The following MORF4L1 variants were observed in gnomAD, a reference collection of about 807,000 sequenced individuals.
MORF4L1 encodes mortality factor 4 like 1.
A neutral mutation model predicts 52.9 loss-of-function variants in MORF4L1; 4 were observed. The observed-to-expected ratio is 0.08, with a 90% CI of 0.04 to 0.17. The LOEUF is 0.17. Ranked by LOEUF, MORF4L1 falls within the 10% of genes least tolerant of loss-of-function variation. The pLI is 1.00. For missense variants in MORF4L1, 214 were observed against 390.4 expected (o/e 0.55, Z 3.81); for synonymous variants, 123 against 134.8 (o/e 0.91, Z 0.61).
At chr15:78,877,109 G>T (rs2056507730) in intron 1 of MORF4L1, among the ~76,000 whole-genome samples, 1 of 117,288 alleles carries the variant, frequency 8.5e-6, no homozygotes, top group African/African-American at 3.2e-5. Context: ...ACCACGCCCG[G>T]CTGATTTTTT....
chr15:78,886,390 A>ATCTAGG, intron 4 of MORF4L1, 163 bp downstream of exon 4: 1 of 652,680 alleles, frequency 1.5e-6, no homozygotes, highest in South Asian at 1.9e-5. Flanking sequence ...ATCAAGCCAT[A>ATCTAGG]TCTAGGTAAA....
At chr15:78,879,096 C>T (rs1298617949) in intron 2 of MORF4L1, among the ~76,000 whole-genome samples, 2 of 151,920 alleles carry the variant, frequency 1.3e-5, no homozygotes, top group Non-Finnish European at 1.5e-5. Flanking sequence ...AAGAGCCAAA[C>T]GCGGTGGCAC....
intron 2 of MORF4L1, among the ~76,000 whole-genome samples, chr15:78,879,390 T>A (rs1317713713): frequency 4.6e-5 from 7 of 152,052 alleles, no homozygotes; most frequent in Non-Finnish European, 1.0e-4. Flanking sequence ...CCTGGCTAAT[T>A]TTTGTAGTTT....
chr15:78,878,513 G>A (rs752001910), intron 2 of MORF4L1, among the ~76,000 whole-genome samples: 2 of 152,178 alleles, frequency 1.3e-5, no homozygotes, highest in African/African-American at 2.4e-5. Flanking sequence ...TGTTAGAAGG[G>A]GAAGATGGGC....
intron 3 of MORF4L1, among the ~76,000 whole-genome samples, chr15:78,883,447 C>T (rs4625697): frequency 0.044 from 6,631 of 152,208 alleles, 482 homozygotes; most frequent in African/African-American, 0.15. Context: ...GCATTTGTAG[C>T]TTGTCACAAG....
intron 7 of MORF4L1, chr15:78,891,813 A>G (rs979306841): frequency 4.0e-5 from 19 of 473,602 alleles, no homozygotes; most frequent in Admixed American, 1.1e-4. Flanking sequence ...CTACAAGACT[A>G]TTTCTTTGGT....
In MORF4L1 at chr15:78,896,972, T is replaced by C; in HGVS notation, c.888-11T>C. 6.2e-7 allele frequency: 1 copy of C among 1,611,226 alleles called. No individual in the cohort carries two copies. ...CTTTAAAAATTTTTGTAATGAATAT[T>C]TTATTTTTAGGTACCTGGCAAAGAA... On this transcript the variant is annotated splice_polypyrimidine_tract_variant and intron_variant, in intron 11 of 11. Transcript: ENST00000426013.
chr15:78,876,556 T>TC (rs921408924), intron 1 of MORF4L1: 10 of 455,920 alleles, frequency 2.2e-5, no homozygotes, highest in African/African-American at 1.2e-4. Context: ...CACTTTTTTT[T>TC]CCGGCAGTAG....
chr15:78,881,788 C>G (rs1352869024), intron 3 of MORF4L1, among the ~76,000 whole-genome samples: 1 of 152,158 alleles, frequency 6.6e-6, no homozygotes, highest in Non-Finnish European at 1.5e-5. Flanking sequence ...TAGTATTGTT[C>G]TTGTGGAATT....
chr15:78,887,397 A>G (rs777056884), intron 5 of MORF4L1, 48 bp downstream of exon 5: 5 of 1,505,978 alleles, frequency 3.3e-6, no homozygotes, highest in African/African-American at 2.8e-5. Context: ...TGAAGATAAT[A>G]TTTTATGTTC....
At chr15:78,884,038 T>C (rs945796478) in intron 3 of MORF4L1, among the ~76,000 whole-genome samples, 5 of 151,432 alleles carry the variant, frequency 3.3e-5, no homozygotes, top group Non-Finnish European at 7.4e-5. Flanking sequence ...ATCCCGTCTC[T>C]AGTAAAAATA....
intron 4 of MORF4L1, chr15:78,886,518 G>T: frequency 3.4e-6 from 1 of 290,332 alleles, no homozygotes; most frequent in Non-Finnish European, 6.5e-6. Flanking sequence ...ATTTTCGGGG[G>T]CTCTGGAAGA....
In MORF4L1 at chr15:78,894,862, A is replaced by G. The variant is rs1212771290; in HGVS notation, c.845A>G (p.Lys282Arg). ...TTGGCTTATACACCTCTGGATGAGA[A>G]GAGCCTTGCTTTATTACTCAATTAT... ...AMLAYTPLDEKSLALLLNYLH... is the reference protein window; with the variant it reads ...AMLAYTPLDERSLALLLNYLH... Residue 282 changes from lysine to arginine, a missense_variant, in exon 11 of 12, where the codon AAG becomes AGG. Physicochemically the swap from Lys to Arg is conservative, Grantham distance 26. This residue lies in a region of MORF4L1 where 68 missense variants were observed against 171.6 expected (regional missense o/e 0.40). Transcript: ENST00000426013. 3 of 1,613,838 alleles carry G rather than the reference A, an allele frequency of 1.9e-6. No homozygotes were observed. The highest frequency in any genetic ancestry group is 1.1e-5 in the South Asian group (1 of 91,064).
At chr15:78,878,828 T>A (rs1037644785) in intron 2 of MORF4L1, among the ~76,000 whole-genome samples, 5 of 152,224 alleles carry the variant, frequency 3.3e-5, no homozygotes, top group African/African-American at 1.2e-4. Context: ...TTGTTTCTGA[T>A]AACTTTTTTA....
At chr15:78,890,452 G>A (rs1244205518) in intron 5 of MORF4L1, among the ~76,000 whole-genome samples, 2 of 151,182 alleles carry the variant, frequency 1.3e-5, no homozygotes, top group African/African-American at 2.4e-5. Flanking sequence ...CTGGAAGAAC[G>A]AAGTTGTTTA....
At chr15:78,885,086 A>G in intron 3 of MORF4L1, 9 of 1,590,594 alleles carry the variant, frequency 5.7e-6, no homozygotes, top group Non-Finnish European at 6.9e-6. Flanking sequence ...ACCTCTAGGT[A>G]AATGCATGTT....
chr15:78,894,416 AT>A (rs905495747), intron 10 of MORF4L1, 186 bp downstream of exon 10: 17,086 of 355,626 alleles, frequency 0.048, 1 homozygote, highest in Middle Eastern at 0.077. Flanking sequence ...TTATTTTATA[AT>A]TTTTTTTTTT....
At position 78,872,909 on chromosome 15, in the gene MORF4L1, G is replaced by A; in HGVS notation, c.-109G>A. On this transcript the variant is annotated 5_prime_UTR_variant, in exon 1 of 12. The change abolishes the stop of an existing upstream ORF in the 5' untranslated region. Transcript: ENST00000426013. ...GCTGGCAAATCCGGCCCAGGATGTA[G>A]AGCTGGCAGTGCCTGACGGCGCGTC... 1.3e-6 allele frequency: 2 copies of A among 1,490,026 alleles called. No individual in the cohort carries two copies. The highest frequency in any genetic ancestry group is 1.8e-6 in the Non-Finnish European group (2 of 1,121,860). The allele number at this position is 1,490,026 out of a possible 1,614,324, so 92.3% of individuals were successfully genotyped here.
chr15:78,876,191 G>A (rs940793895), intron 1 of MORF4L1, among the ~76,000 whole-genome samples: 29 of 151,710 alleles, frequency 1.9e-4, no homozygotes, highest in African/African-American at 7.0e-4. Flanking sequence ...CTACTTCGCC[G>A]TCGCAAAGTT....
Sources: allele counts gnomAD v4.1 joint callset (sites outside exome capture counted in the v4.1 genomes callset), GRCh38; gene constraint gnomAD v4.1.1; regional missense constraint gnomAD v4.1.1; transcripts MANE v1.5; gene names NCBI Gene and HGNC (gene_info 2026-07-23, HGNC 2026-07-21).